Variants in AKIRIN2 observed in about 807,000 individuals in gnomAD.
AKIRIN2 encodes the protein akirin 2.
AKIRIN2 carries 6 observed loss-of-function variants against 29.3 expected under a neutral mutation model. The ratio of observed to expected loss-of-function variants is 0.20; its 90% confidence interval spans 0.11 to 0.40. The LOEUF is 0.40. Among genes scored for constraint, AKIRIN2 ranks in the 10% least tolerant of loss-of-function variants. The pLI is 1.00. For synonymous variants in AKIRIN2, 128 were observed against 117.5 expected (o/e 1.09, Z -0.58); for missense variants, 210 against 276.1 (o/e 0.76, Z 1.70).
At chr6:87,678,781 A>C (rs571359905) in intron 2 of AKIRIN2, among the ~76,000 whole-genome samples, 1 of 152,294 alleles carries the variant, frequency 6.6e-6, no homozygotes, top group East Asian at 1.9e-4. Context: ...GCCTACACAC[A>C]ATGAACTGGT....
In AKIRIN2 at chr6:87,689,939, C is replaced by T. The variant is rs144434823; in HGVS notation, c.236-8176G>A. ...AAATAACAACTCTCTTGGCCACGGG[C>T]GGTGGCTCACGCCTGTAATCCTAGC... On this transcript the variant is annotated intron_variant, in intron 1 of 4. Transcript: ENST00000257787. Among the ~76,000 whole-genome samples, 889 of 152,228 alleles carry T rather than the reference C, an allele frequency of 5.8e-3. 7 individuals carry two copies. Among genetic ancestry groups the T allele is most frequent in the African/African-American group, 0.02 (826 of 41,544 alleles).
chr6:87,687,044 CAAAAAAAAAAA>C (rs10652176), intron 1 of AKIRIN2, among the ~76,000 whole-genome samples: 1 of 67,442 alleles, frequency 1.5e-5, no homozygotes, highest in Non-Finnish European at 3.0e-5. Context: ...GACTTAGACT[CAAAAAAAAAAA>C]AAAAAAAAAT....
At position 87,675,493 on chromosome 6, in the gene AKIRIN2, C is replaced by T. The variant is rs539870452; in HGVS notation, c.*104G>A. 6.7e-7 allele frequency: 1 copy of T among 1,500,010 alleles called. No individual in the cohort carries two copies. Among genetic ancestry groups the T allele is most frequent in the East Asian group, 2.3e-5 (1 of 43,856 alleles). 92.9% of individuals were successfully genotyped at this position (1,500,010 alleles called of 1,614,324 possible). On this transcript the variant is annotated 3_prime_UTR_variant, in exon 5 of 5. Transcript: ENST00000257787. ...GCCACTGACGAAAGCTTGAAATAACCTGTATTCACAGAAGGGGTATTGGCA... is the reference window on the plus strand; with the variant it reads ...GCCACTGACGAAAGCTTGAAATAACTTGTATTCACAGAAGGGGTATTGGCA...
intron 1 of AKIRIN2, among the ~76,000 whole-genome samples, chr6:87,687,728 G>A (rs1168157912): frequency 1.3e-5 from 2 of 152,298 alleles, no homozygotes; most frequent in Non-Finnish European, 2.9e-5. Flanking sequence ...GTAAATGTAA[G>A]TTTTACACCT....
intron 1 of AKIRIN2, among the ~76,000 whole-genome samples, chr6:87,694,123 C>T (rs1024504092): frequency 2.0e-5 from 3 of 152,182 alleles, no homozygotes; most frequent in Non-Finnish European, 4.4e-5. Context: ...TCTCTCAAAC[C>T]ATTCCAACTA....
intron 1 of AKIRIN2, 92 bp downstream of exon 1, chr6:87,701,358 G>C: frequency 7.4e-7 from 1 of 1,342,590 alleles, no homozygotes; most frequent in Non-Finnish European, 9.9e-7. Flanking sequence ...CACACAGTCC[G>C]GCACCCCCAC....
At chr6:87,697,087 C>T (rs1453469744) in intron 1 of AKIRIN2, among the ~76,000 whole-genome samples, 5 of 151,230 alleles carry the variant, frequency 3.3e-5, no homozygotes, top group African/African-American at 9.7e-5. Flanking sequence ...GGCAGTTGGA[C>T]CACCTGAAGT....
chr6:87,688,146 T>TG (rs545052947), intron 1 of AKIRIN2, among the ~76,000 whole-genome samples: 90 of 152,088 alleles, frequency 5.9e-4, no homozygotes, highest in Non-Finnish European at 7.1e-4. Context: ...CTTGTTTTTG[T>TG]GGGGGGACAG....
At chr6:87,691,268 CTG>C (rs1301567029) in intron 1 of AKIRIN2, among the ~76,000 whole-genome samples, 1 of 151,690 alleles carries the variant, frequency 6.6e-6, no homozygotes. Flanking sequence ...CATGGTGAAA[CTG>C]TCTCTACTAA....
chr6:87,685,506 G>A (rs1771173698), intron 1 of AKIRIN2, among the ~76,000 whole-genome samples: 1 of 152,142 alleles, frequency 6.6e-6, no homozygotes, highest in African/African-American at 2.4e-5. Flanking sequence ...CAAGGTACAT[G>A]TAATATCTGA....
intron 1 of AKIRIN2, among the ~76,000 whole-genome samples, chr6:87,692,946 T>C (rs965364123): frequency 1.3e-5 from 2 of 149,364 alleles, no homozygotes; most frequent in African/African-American, 4.9e-5. Flanking sequence ...AGGCAATAAC[T>C]GGTCGGGCGC....
chr6:87,676,607 A>G (rs1304318463), intron 3 of AKIRIN2, among the ~76,000 whole-genome samples: 14 of 74,336 alleles, frequency 1.9e-4, no homozygotes, highest in Middle Eastern at 8.5e-3. Flanking sequence ...ACACACACAC[A>G]CACACACACA....
intron 1 of AKIRIN2, among the ~76,000 whole-genome samples, chr6:87,683,756 C>A (rs1771149790): frequency 6.6e-6 from 1 of 152,168 alleles, no homozygotes. Flanking sequence ...CAGGTTCAAG[C>A]AATTCTCCTG....
In AKIRIN2 at chr6:87,701,569, G is replaced by C; in HGVS notation, c.116C>G (p.Ser39Cys). ...PLSAPTSAAASPLSAAAATAA... is the reference protein window; with the variant it reads ...PLSAPTSAAACPLSAAAATAA... ...GGTGGCCGCGGCCGCCGACAACGGGGAGGCAGCGGCCGAGGTGGGCGCCGA... is the reference window on the plus strand; with the variant it reads ...GGTGGCCGCGGCCGCCGACAACGGGCAGGCAGCGGCCGAGGTGGGCGCCGA... The change falls in exon 1 of 5, where the codon TCC becomes TGC. Residue 39 changes from serine (S) to cysteine (C), a missense_variant. Coordinates refer to ENST00000257787, the MANE Select transcript of AKIRIN2 (RefSeq NM_018064.4). 7.1e-7 allele frequency: 1 copy of C among 1,416,036 alleles called. No individual in the cohort carries two copies. 87.7% of individuals were successfully genotyped at this position (1,416,036 alleles called of 1,614,324 possible). A position where few individuals can be genotyped will look rare whatever the true frequency, so the allele number is the denominator to read the frequency against.
intron 1 of AKIRIN2, among the ~76,000 whole-genome samples, chr6:87,701,223 C>G (rs1582128366): frequency 6.6e-6 from 1 of 152,050 alleles, no homozygotes; most frequent in Non-Finnish European, 1.5e-5. Context: ...AGGCAAAGCC[C>G]CTACCCACCT....
At chr6:87,686,257 C>A (rs1266035060) in intron 1 of AKIRIN2, among the ~76,000 whole-genome samples, 1 of 152,042 alleles carries the variant, frequency 6.6e-6, no homozygotes, top group Non-Finnish European at 1.5e-5. Context: ...AAGAAAAGGC[C>A]TCTTTTTAGT....
chr6:87,683,964 T>C (rs1319065898), intron 1 of AKIRIN2, among the ~76,000 whole-genome samples: 1 of 152,184 alleles, frequency 6.6e-6, no homozygotes, highest in East Asian at 1.9e-4. Context: ...TCTATTTTGC[T>C]GAGAGAGAGT....
chr6:87,677,753 T>G, intron 3 of AKIRIN2, 65 bp downstream of exon 3: 1 of 1,534,178 alleles, frequency 6.5e-7, no homozygotes, highest in Non-Finnish European at 8.9e-7. Context: ...GAAATTAAAG[T>G]ACACGTGGAA....
intron 2 of AKIRIN2, 139 bp from the exon 3 acceptor site, chr6:87,678,106 C>T: frequency 1.3e-6 from 1 of 776,290 alleles, no homozygotes; most frequent in Non-Finnish European, 1.9e-6. Context: ...CACAGCATTT[C>T]ACAAGTCTTA....
Sources: allele counts gnomAD v4.1 joint callset (sites outside exome capture counted in the v4.1 genomes callset), GRCh38; gene constraint gnomAD v4.1.1; transcripts MANE v1.5; gene names NCBI Gene and HGNC (gene_info 2026-07-23, HGNC 2026-07-21).